The following FGF14 variants were observed in gnomAD, a reference collection of about 807,000 sequenced individuals.
FGF14 encodes fibroblast growth factor homologous factor 4.
Under a neutral mutation model 25.5 loss-of-function variants are expected in FGF14, and 5 were observed. That is an observed-to-expected ratio of 0.20 (90% CI 0.10 to 0.41). The LOEUF (loss-of-function observed/expected upper bound fraction) is 0.41. Ranked by LOEUF, FGF14 falls within the 10% of genes least tolerant of loss-of-function variation. The probability of loss-of-function intolerance (pLI) is 1.00; values close to 1 mark genes in which losing one functional copy is unlikely to be tolerated. For synonymous variants in FGF14, 138 were observed against 118.3 expected (o/e 1.17, Z -1.08); for missense variants, 222 against 320.1 (o/e 0.69, Z 2.34).
chr13:102,085,793 C>A (rs560163789), intron 1 of FGF14, among the ~76,000 whole-genome samples: 2 of 152,226 alleles, frequency 1.3e-5, no homozygotes, highest in South Asian at 4.2e-4. Context: ...GGTGCTAAAA[C>A]CAAATTTTCT....
At chr13:102,160,186 C>A (rs1375415500) in intron 1 of FGF14, among the ~76,000 whole-genome samples, 1 of 152,094 alleles carries the variant, frequency 6.6e-6, no homozygotes, top group Non-Finnish European at 1.5e-5. Flanking sequence ...TGAAGGTAAT[C>A]AAAGACAGCA....
chr13:102,267,931 T>C (rs974067908), intron 1 of FGF14, among the ~76,000 whole-genome samples: 1 of 152,068 alleles, frequency 6.6e-6, no homozygotes, highest in African/African-American at 2.4e-5. Context: ...GGTGAGCTGA[T>C]GTTTTTCATG....
chr13:102,061,660 TGG>T (rs2042695832), intron 1 of FGF14, among the ~76,000 whole-genome samples: 1 of 152,200 alleles, frequency 6.6e-6, no homozygotes. Flanking sequence ...TTCTAAAACC[TGG>T]AGAGTCTTTG....
chr13:101,981,128 C>CACA (rs1260952239), intron 1 of FGF14, among the ~76,000 whole-genome samples: 3 of 143,856 alleles, frequency 2.1e-5, no homozygotes, highest in Non-Finnish European at 4.6e-5. Flanking sequence ...CACACACACA[C>CACA]AATTAGCCAG....
intron 3 of FGF14, among the ~76,000 whole-genome samples, chr13:101,837,960 A>G (rs1434277469): frequency 6.6e-6 from 1 of 151,878 alleles, no homozygotes; most frequent in Admixed American, 6.6e-5. Flanking sequence ...ACGTGGAGAG[A>G]CTAGACTGGC....
At chr13:102,391,325 C>T (rs2058427540) in intron 1 of FGF14, among the ~76,000 whole-genome samples, 1 of 152,286 alleles carries the variant, frequency 6.6e-6, no homozygotes, top group Admixed American at 6.5e-5. Context: ...TATCAGACCA[C>T]ATACTAACTA....
intron 1 of FGF14, among the ~76,000 whole-genome samples, chr13:102,122,308 G>A (rs1386555498): frequency 6.6e-6 from 1 of 152,082 alleles, no homozygotes; most frequent in Non-Finnish European, 1.5e-5. Flanking sequence ...ATTATCCAAA[G>A]GCTCGTCAAA....
intron 1 of FGF14, among the ~76,000 whole-genome samples, chr13:102,082,762 G>A (rs1459158298): frequency 6.6e-6 from 1 of 151,058 alleles, no homozygotes; most frequent in Non-Finnish European, 1.5e-5. Flanking sequence ...AGACCATCCC[G>A]GCTAAAACGG....
rs184435508 is a variant in FGF14, at chr13:102,388,896, C to T, written c.208+12575G>A. Among the ~76,000 whole-genome samples the T allele has an allele frequency of 2.8e-3, 423 of 152,244 alleles. 2 individuals are homozygous for T. The highest frequency in any genetic ancestry group is 0.02 in the Middle Eastern group (6 of 294). On this transcript the variant is annotated intron_variant, in intron 1 of 4. Coordinates refer to the FGF14 transcript ENST00000376131. ...CTAATTCCTCTACAAGGCTTTTGGACCCCAAAATATGATTTCACTAAGCCG... is the reference window on the plus strand; with the variant it reads ...CTAATTCCTCTACAAGGCTTTTGGATCCCAAAATATGATTTCACTAAGCCG...
intron 1 of FGF14, among the ~76,000 whole-genome samples, chr13:102,077,981 G>A (rs1009011942): frequency 6.6e-6 from 1 of 152,192 alleles, no homozygotes; most frequent in African/African-American, 2.4e-5. Context: ...TCTTGTGTTT[G>A]CAACAACATG....
At chr13:101,983,177 A>T (rs1467537307) in intron 1 of FGF14, among the ~76,000 whole-genome samples, 4 of 151,424 alleles carry the variant, frequency 2.6e-5, no homozygotes, top group Admixed American at 6.6e-5. Context: ...GCAGCTGCTT[A>T]TTACCCAGAT....
intron 1 of FGF14, among the ~76,000 whole-genome samples, chr13:101,955,302 A>G (rs533810079): frequency 6.6e-6 from 1 of 152,348 alleles, no homozygotes; most frequent in African/African-American, 2.4e-5. Context: ...CTACACTGCA[A>G]TTGGGTTTAG....
intron 1 of FGF14, among the ~76,000 whole-genome samples, chr13:102,016,705 T>G (rs1294986915): frequency 6.6e-6 from 1 of 152,132 alleles, no homozygotes; most frequent in Non-Finnish European, 1.5e-5. Context: ...AGGATGGCCT[T>G]GAACTCCTGG....
chr13:102,153,481 G>A (rs536117973), intron 1 of FGF14, among the ~76,000 whole-genome samples: 1 of 152,296 alleles, frequency 6.6e-6, no homozygotes, highest in African/African-American at 2.4e-5. Flanking sequence ...TATGCAATAG[G>A]ATGGGCATCA....
intron 1 of FGF14, among the ~76,000 whole-genome samples, chr13:102,339,793 A>G (rs1446042683): frequency 1.3e-5 from 2 of 152,194 alleles, no homozygotes; most frequent in East Asian, 3.9e-4. Context: ...AATCCAAGAG[A>G]TAGAAGGTCC....
intron 1 of FGF14, among the ~76,000 whole-genome samples, chr13:102,033,447 C>T (rs1310547225): frequency 6.6e-6 from 1 of 152,104 alleles, no homozygotes. Flanking sequence ...GAACACCAAG[C>T]TTAACAGACC....
chr13:102,286,415 G>C (rs986708045), intron 1 of FGF14, among the ~76,000 whole-genome samples: 1 of 152,062 alleles, frequency 6.6e-6, no homozygotes, highest in African/African-American at 2.4e-5. Flanking sequence ...TTTGTCATCT[G>C]TACTTTACAC....
At chr13:101,733,926 G>C (rs932918134) in intron 3 of FGF14, among the ~76,000 whole-genome samples, 3 of 151,130 alleles carry the variant, frequency 2.0e-5, no homozygotes, top group African/African-American at 7.3e-5. Context: ...AATTTGATTT[G>C]AATTTTCACT....
intron 1 of FGF14, among the ~76,000 whole-genome samples, chr13:102,326,301 A>G (rs2056420830): frequency 6.6e-6 from 1 of 152,214 alleles, no homozygotes; most frequent in South Asian, 2.1e-4. Context: ...CAAACTGCAC[A>G]ATGCAAATAA....
Sources: gnomAD v4.1 joint callset for allele counts (sites outside exome capture counted in the v4.1 genomes callset) on GRCh38, gnomAD v4.1.1 for gene constraint, MANE v1.5 for transcripts, NCBI Gene and HGNC (gene_info 2026-07-23, HGNC 2026-07-21) for gene names.